The following CACNA2D3 variants were observed in gnomAD, a reference collection of about 807,000 sequenced individuals.
CACNA2D3 encodes the protein calcium voltage-gated channel auxiliary subunit alpha2delta 3, also known as voltage-dependent calcium channel subunit alpha-2/delta-3.
Under a neutral mutation model 160.6 loss-of-function variants are expected in CACNA2D3, and 60 were observed. That is an observed-to-expected ratio of 0.37 (90% confidence interval 0.30 to 0.46). CACNA2D3 has a LOEUF of 0.46. CACNA2D3 is among the 20% of genes least tolerant of loss of function. The probability of loss-of-function intolerance (pLI) is 1.00; values close to 1 mark genes in which losing one functional copy is unlikely to be tolerated. For synonymous variants in CACNA2D3, 558 were observed against 492.9 expected (o/e 1.13, Z -1.75); for missense variants, 1,205 against 1,365.0 (o/e 0.88, Z 1.85).
Position 54,602,900 on chromosome 3 carries a change from C to T in CACNA2D3, c.963+21023C>T, listed in dbSNP as rs548783449. The stretch of plus-strand genomic sequence containing the variant: ...TTCTTTACTCACACTCCTCACATTG[C>T]AGAAAGGGCCTGGAATGGGACCCTT... On this transcript the variant is annotated intron_variant, in intron 9 of 37. Coordinates refer to ENST00000474759, the MANE Select transcript of CACNA2D3 (RefSeq NM_018398.3). 6.6e-5 allele frequency among the ~76,000 whole-genome samples: 10 copies of T among 152,276 alleles called. No individual in the cohort carries two copies. In the South Asian group the frequency reaches 2.1e-3, roughly 32 times the overall value.
At position 54,324,271 on chromosome 3, in the gene CACNA2D3, C is replaced by T. The variant is rs561407028; in HGVS notation, c.321+3713C>T. 9.9e-5 allele frequency among the ~76,000 whole-genome samples: 15 copies of T among 152,250 alleles called. No homozygotes were observed. In the East Asian group the frequency reaches 2.1e-3, roughly 22 times the overall value. Reference sequence around the variant, plus strand: ...ATTAGTTGAATCAGAGTGATTTTATCATCCTCATCTCCTATTTGAATTACT... The same window carrying T: ...ATTAGTTGAATCAGAGTGATTTTATTATCCTCATCTCCTATTTGAATTACT... On this transcript the variant is annotated intron_variant, in intron 3 of 37. Transcript: ENST00000474759.
rs150988518 is a variant in CACNA2D3 at position 54,325,969 on chromosome 3, A to G, written c.321+5411A>G. On this transcript the variant is annotated intron_variant, in intron 3 of 37. Coordinates refer to ENST00000474759, the MANE Select transcript of CACNA2D3 (RefSeq NM_018398.3). ...ATACCTTTGCTTGTTGGGAAGAGCT[A>G]AAGGAGACTAGATTTTATATTAAGT... 6.9e-3 allele frequency among the ~76,000 whole-genome samples: 1,051 copies of G among 152,342 alleles called. 14 individuals are homozygous for G. The highest frequency in any genetic ancestry group is 0.024 in the African/African-American group (1,000 of 41,580).
At chr3:54,453,463 C>A (rs911580264) in intron 4 of CACNA2D3, among the ~76,000 whole-genome samples, 4 of 151,972 alleles carry the variant, frequency 2.6e-5, no homozygotes, top group African/African-American at 7.3e-5. Context: ...TTAATTCGAC[C>A]TGAAACACCA....
At chr3:54,535,237 T>C (rs1464874980) in intron 5 of CACNA2D3, among the ~76,000 whole-genome samples, 3 of 152,358 alleles carry the variant, frequency 2.0e-5, no homozygotes, top group Non-Finnish European at 4.4e-5. Flanking sequence ...TCAAATACTC[T>C]GGAGAGAGTG....
At chr3:54,864,480 G>T (rs569804597) in intron 17 of CACNA2D3, among the ~76,000 whole-genome samples, 1 of 152,128 alleles carries the variant, frequency 6.6e-6, no homozygotes, top group East Asian at 1.9e-4. Context: ...TGCCATGTTG[G>T]CCAGGCTGGT....
At chr3:54,938,468 A>C (rs1161773535) in intron 27 of CACNA2D3, among the ~76,000 whole-genome samples, 1 of 152,156 alleles carries the variant, frequency 6.6e-6, no homozygotes, top group Non-Finnish European at 1.5e-5. Context: ...ACATAATCCT[A>C]GTTGGTGTTC....
At chr3:54,768,315 A>G (rs757905984) in intron 13 of CACNA2D3, among the ~76,000 whole-genome samples, 1 of 152,206 alleles carries the variant, frequency 6.6e-6, no homozygotes, top group Non-Finnish European at 1.5e-5. Context: ...GCAGAGAAAG[A>G]CACATCACAC....
At chr3:54,227,630 CT>C (rs1701698663) in intron 2 of CACNA2D3, among the ~76,000 whole-genome samples, 1 of 152,118 alleles carries the variant, frequency 6.6e-6, no homozygotes, top group Non-Finnish European at 1.5e-5. Flanking sequence ...TCTTGGCTCA[CT>C]GCAACCTCCG....
At chr3:54,596,100 A>G (rs1399625201) in intron 9 of CACNA2D3, among the ~76,000 whole-genome samples, 1 of 152,084 alleles carries the variant, frequency 6.6e-6, no homozygotes, top group South Asian at 2.1e-4. Flanking sequence ...CATCCCAGGA[A>G]TGGTGCCACT....
intron 13 of CACNA2D3, among the ~76,000 whole-genome samples, chr3:54,807,566 A>T (rs1430557527): frequency 4.6e-5 from 7 of 152,106 alleles, no homozygotes; most frequent in East Asian, 3.9e-4. Context: ...CAGGTGCTGG[A>T]GAGGATGTGG....
At chr3:54,468,925 G>GTTAGGGGCTT (rs1340190927) in intron 4 of CACNA2D3, among the ~76,000 whole-genome samples, 3 of 152,196 alleles carry the variant, frequency 2.0e-5, no homozygotes, top group Non-Finnish European at 4.4e-5. Context: ...AGCAGCCCCG[G>GTTAGGGGCTT]TTAGGGGCTT....
chr3:54,853,073 T>C (rs1699095046), intron 17 of CACNA2D3, among the ~76,000 whole-genome samples: 2 of 152,176 alleles, frequency 1.3e-5, no homozygotes, highest in Admixed American at 6.5e-5. Flanking sequence ...CTTCTTTACC[T>C]GAAATCTTGT....
chr3:54,181,661 A>C (rs1700786010), intron 2 of CACNA2D3, among the ~76,000 whole-genome samples: 1 of 152,198 alleles, frequency 6.6e-6, no homozygotes, highest in Non-Finnish European at 1.5e-5. Flanking sequence ...CCCATCATCT[A>C]TACTTAAAAA....
chr3:54,157,141 T>G lies in CACNA2D3; in HGVS notation c.204+33547T>G, dbSNP rs182186163. On this transcript the variant is annotated intron_variant, in intron 2 of 37. Coordinates refer to ENST00000474759, the MANE Select transcript of CACNA2D3 (RefSeq NM_018398.3). ...CTTTCTGGCCTGCAGACAGCCACCT[T>G]TTTGTGTCCTCACATGGTCTTTCCC... 4.6e-5 allele frequency among the ~76,000 whole-genome samples: 7 copies of G among 152,302 alleles called. No homozygotes were observed. In the East Asian group the frequency reaches 1.4e-3, roughly 29 times the overall value.
Position 55,004,820 on chromosome 3 carries a change from C to T in CACNA2D3, c.2748C>T (p.Gly916=), listed in dbSNP as rs763097870. The T allele has an allele frequency of 5.2e-5, 84 of 1,612,672 alleles. No individual in the cohort carries two copies. The highest frequency in any genetic ancestry group is 1.1e-4 in the African/African-American group (8 of 74,812). ...MCRANKESSD[G]AHGLLDPYNA... Reference sequence around the variant, plus strand: ...GAGCCAACAAGGAAAGCAGCGATGGCGCCCATGGCCTCCTGGATGTAAGTA... The same window carrying T: ...GAGCCAACAAGGAAAGCAGCGATGGTGCCCATGGCCTCCTGGATGTAAGTA... The change falls in exon 32 of 38, where the codon GGC becomes GGT. Residue 916 remains glycine (G), a synonymous_variant. Coordinates refer to ENST00000474759, the MANE Select transcript of CACNA2D3 (RefSeq NM_018398.3).
At chr3:54,185,434 T>C (rs1700863859) in intron 2 of CACNA2D3, among the ~76,000 whole-genome samples, 1 of 152,226 alleles carries the variant, frequency 6.6e-6, no homozygotes, top group Admixed American at 6.5e-5. Flanking sequence ...TACCCTGGCA[T>C]CTCTCAAACT....
chr3:54,405,161 C>G (rs1333405943), intron 4 of CACNA2D3, among the ~76,000 whole-genome samples: 3 of 151,220 alleles, frequency 2.0e-5, no homozygotes, highest in Non-Finnish European at 4.4e-5. Flanking sequence ...ATGTATAGAT[C>G]CAATGCAATC....
chr3:54,259,901 G>C (rs1469790486), intron 2 of CACNA2D3, among the ~76,000 whole-genome samples: 2 of 152,182 alleles, frequency 1.3e-5, no homozygotes, highest in Non-Finnish European at 2.9e-5. Context: ...GGAATTTTCA[G>C]GCGTGTTTAT....
chr3:54,722,632 C>G (rs186858612), intron 11 of CACNA2D3, among the ~76,000 whole-genome samples: 294 of 152,214 alleles, frequency 1.9e-3, no homozygotes, highest in Non-Finnish European at 3.6e-3. Flanking sequence ...GTTAGTTTTC[C>G]TTCTGACAGT....
Sources: gnomAD v4.1 joint callset for allele counts (sites outside exome capture counted in the v4.1 genomes callset) on GRCh38, gnomAD v4.1.1 for gene constraint, MANE v1.5 for transcripts, NCBI Gene and HGNC (gene_info 2026-07-23, HGNC 2026-07-21) for gene names.